Variants in PPFIA1 observed in about 807,000 individuals in gnomAD.
The protein encoded by PPFIA1 is PPFI scaffold protein A1.
A neutral mutation model predicts 149.9 loss-of-function variants in PPFIA1; 25 were observed. The observed-to-expected ratio is 0.17, with a 90% confidence interval of 0.12 to 0.23. The LOEUF is 0.23. Among genes scored for constraint, PPFIA1 ranks in the 10% least tolerant of loss-of-function variants. PPFIA1 has a pLI of 1.00. For missense variants in PPFIA1, 1,362 were observed against 1,506.5 expected, an observed-to-expected ratio of 0.90 and a Z score of 1.59; for synonymous variants, 549 against 552.8, an observed-to-expected ratio of 0.99 and a Z score of 0.10.
rs773039303 is a variant in PPFIA1 at position 70,378,087 on chromosome 11, G to A, written c.3442G>A (p.Asp1148Asn). 3.1e-6 allele frequency: 5 copies of A among 1,614,064 alleles called. No homozygotes were observed. The South Asian group carries it at 5.5e-5, about 18-fold the overall frequency. Residue 1148 changes from aspartate (D) to asparagine (N), a missense_variant, in exon 26 of 28, where the codon GAC becomes AAC. By Grantham distance (23) the Asp-to-Asn change is conservative (BLOSUM62 1). This residue lies in a region of PPFIA1 where 349 missense variants were observed against 373.3 expected (regional missense o/e 0.93). Transcript: ENST00000253925. Reference protein sequence around the residue: ...PSWRKKFRPKDIRGLAAGSAE... With the variant: ...PSWRKKFRPKNIRGLAAGSAE... ...ATGGAGAAAAAAGTTTAGACCAAAG[G>A]ACATTCGTGGCTTAGCTGCTGGGTC...
At chr11:70,290,954 TG>T (rs2051484370) in intron 2 of PPFIA1, among the ~76,000 whole-genome samples, 1 of 152,202 alleles carries the variant, frequency 6.6e-6, no homozygotes. Flanking sequence ...GGCACAATCT[TG>T]GCTTACTGCA....
chr11:70,288,593 C>T (rs975926327), intron 2 of PPFIA1, among the ~76,000 whole-genome samples: 2 of 152,166 alleles, frequency 1.3e-5, no homozygotes, highest in East Asian at 3.8e-4. Flanking sequence ...GGTGATTTTT[C>T]CAGCTGTCCG....
chr11:70,283,710 T>G (rs1171793746), intron 2 of PPFIA1, among the ~76,000 whole-genome samples: 1 of 143,256 alleles, frequency 7.0e-6, no homozygotes, highest in Non-Finnish European at 1.5e-5. Flanking sequence ...CTGGCGGAAT[T>G]GTGTAGGACT....
At chr11:70,274,724 CTT>C (rs964202532) in intron 2 of PPFIA1, among the ~76,000 whole-genome samples, 3 of 146,558 alleles carry the variant, frequency 2.0e-5, no homozygotes, top group African/African-American at 2.5e-5. Context: ...TGTCTATAAA[CTT>C]TTTTTTTTTT....
intron 27 of PPFIA1, among the ~76,000 whole-genome samples, chr11:70,382,372 GA>G (rs1342870266): frequency 6.6e-6 from 1 of 151,624 alleles, no homozygotes; most frequent in African/African-American, 2.4e-5. Context: ...TTTTTTTAAG[GA>G]AAAAAATGTA....
intron 21 of PPFIA1, among the ~76,000 whole-genome samples, chr11:70,368,616 A>G (rs1477490832): frequency 6.6e-6 from 1 of 152,242 alleles, no homozygotes; most frequent in African/African-American, 2.4e-5. Context: ...AGGATTTTGC[A>G]GGTTTTGATG....
chr11:70,316,690 T>C (rs2053651746), intron 2 of PPFIA1, among the ~76,000 whole-genome samples: 1 of 152,136 alleles, frequency 6.6e-6, no homozygotes, highest in African/African-American at 2.4e-5. Context: ...CACGTGAGGG[T>C]GGGGACCATG....
intron 14 of PPFIA1, among the ~76,000 whole-genome samples, chr11:70,339,823 TG>T (rs1428554685): frequency 6.6e-6 from 1 of 152,100 alleles, no homozygotes; most frequent in East Asian, 1.9e-4. Flanking sequence ...GAGATCAGCC[TG>T]GTCAACATGG....
intron 2 of PPFIA1, among the ~76,000 whole-genome samples, chr11:70,285,992 G>A (rs1324524650): frequency 6.6e-6 from 1 of 152,168 alleles, no homozygotes; most frequent in Non-Finnish European, 1.5e-5. Flanking sequence ...ATGATGTAAT[G>A]TGGGAGCACT....
intron 2 of PPFIA1, among the ~76,000 whole-genome samples, chr11:70,312,979 A>G (rs1253090934): frequency 6.6e-6 from 1 of 152,200 alleles, no homozygotes; most frequent in Admixed American, 6.5e-5. Context: ...AATGGCCTCA[A>G]GCTGTGAACA....
intron 14 of PPFIA1, chr11:70,341,139 A>C (rs1339398039): frequency 2.8e-5 from 9 of 326,120 alleles, no homozygotes; most frequent in South Asian, 2.0e-4. Context: ...GAGTGTTAAA[A>C]GTGTTTGTGG....
chr11:70,337,298 T>A, intron 11 of PPFIA1, 67 bp from the exon 12 acceptor site: 1 of 1,084,784 alleles, frequency 9.2e-7, no homozygotes, highest in Non-Finnish European at 1.3e-6. Context: ...TTTAAACGAA[T>A]ACAGCCATGC....
chr11:70,376,803 G>A (rs140804750), intron 25 of PPFIA1, among the ~76,000 whole-genome samples: 102 of 152,314 alleles, frequency 6.7e-4, no homozygotes, highest in African/African-American at 2.1e-3. Context: ...CGGGCACGGC[G>A]GCTCGCACCT....
chr11:70,284,762 G>A (rs1280479870), intron 2 of PPFIA1, among the ~76,000 whole-genome samples: 1 of 152,146 alleles, frequency 6.6e-6, no homozygotes, highest in East Asian at 1.9e-4. Flanking sequence ...GCCAGAGCAA[G>A]GGAGAGCTTA....
intron 2 of PPFIA1, among the ~76,000 whole-genome samples, chr11:70,322,088 A>G (rs1360876462): frequency 6.6e-6 from 1 of 152,212 alleles, no homozygotes; most frequent in Non-Finnish European, 1.5e-5. Context: ...CATGTTGGTC[A>G]GGCTGGACTC....
chr11:70,356,728 G>A (rs1354096175), intron 19 of PPFIA1, among the ~76,000 whole-genome samples: 1 of 152,354 alleles, frequency 6.6e-6, no homozygotes, highest in Non-Finnish European at 1.5e-5. Context: ...GCTGTGGCCA[G>A]TGCAGCGACT....
At chr11:70,315,508 T>C (rs1261402321) in intron 2 of PPFIA1, among the ~76,000 whole-genome samples, 1 of 152,078 alleles carries the variant, frequency 6.6e-6, no homozygotes, top group African/African-American at 2.4e-5. Context: ...TTTTCTTTAT[T>C]TCAAATTTGA....
At chr11:70,354,939 C>CT (rs1309422875) in intron 17 of PPFIA1, among the ~76,000 whole-genome samples, 12 of 151,468 alleles carry the variant, frequency 7.9e-5, no homozygotes, top group Admixed American at 6.6e-4. Flanking sequence ...TCTATGCTAT[C>CT]TTTTTTTTTC....
Position 70,374,944 on chromosome 11 carries a change from G to A in PPFIA1, c.3166G>A (p.Val1056Met), listed in dbSNP as rs1358835141. 5 of 1,611,874 alleles carry A rather than the reference G, an allele frequency of 3.1e-6. No homozygotes were observed. In the South Asian group the frequency reaches 5.5e-5, roughly 18 times the overall value. Reference sequence around the variant, plus strand: ...CGTGCTTGTTTGGAGCAATGATCGAGTGATTCGCTGGATCCTGTCAATTGG... The same window carrying A: ...CGTGCTTGTTTGGAGCAATGATCGAATGATTCGCTGGATCCTGTCAATTGG... Reference protein sequence around the residue: ...KDVLVWSNDRVIRWILSIGLK... With the variant: ...KDVLVWSNDRMIRWILSIGLK... Residue 1056 changes from valine to methionine, a missense_variant, in exon 24 of 28, where the codon GTG (valine) becomes ATG (methionine). Physicochemically the swap from Val to Met is conservative, Grantham distance 21. Around this residue, in one of 7 missense-constraint regions of PPFIA1, gnomAD observed 349 missense variants for 373.3 expected, o/e 0.93. Transcript: ENST00000253925.
Sources: gnomAD v4.1 joint callset for allele counts (sites outside exome capture counted in the v4.1 genomes callset) on GRCh38, gnomAD v4.1.1 for gene constraint, gnomAD v4.1.1 regional missense constraint, MANE v1.5 for transcripts, NCBI Gene and HGNC (gene_info 2026-07-23, HGNC 2026-07-21) for gene names.